CNBD1: variants seen among roughly 807,000 people sequenced by gnomAD.
CNBD1 encodes the protein cyclic nucleotide binding domain containing 1, also known as cyclic nucleotide-binding domain-containing protein 1.
Under a neutral mutation model 54.4 loss-of-function variants are expected in CNBD1, and 71 were observed. That is an observed-to-expected ratio of 1.30 (90% confidence interval 1.08 to 1.59). The LOEUF (loss-of-function observed/expected upper bound fraction) is 1.59, where lower values mean the gene tolerates loss of function less well. Ranked by LOEUF, CNBD1 falls within the 40% of genes most tolerant of loss-of-function variation. The pLI, the probability that CNBD1 is intolerant of heterozygous loss-of-function variation, is 0.00. For synonymous variants in CNBD1, 182 were observed against 170.7 expected, an observed-to-expected ratio of 1.07 and a Z score of -0.51; for missense variants, 659 against 518.0, an observed-to-expected ratio of 1.27 and a Z score of -2.64.
intron 10 of CNBD1, among the ~76,000 whole-genome samples, chr8:87,377,228 T>A (rs1302432406): frequency 6.6e-6 from 1 of 151,542 alleles, no homozygotes; most frequent in Non-Finnish European, 1.5e-5. Flanking sequence ...TGTATACATG[T>A]GCCATGCTGG....
At chr8:87,158,982 A>G (rs1812801332) in intron 4 of CNBD1, among the ~76,000 whole-genome samples, 1 of 152,178 alleles carries the variant, frequency 6.6e-6, no homozygotes, top group Non-Finnish European at 1.5e-5. Context: ...CTGTTTTTAT[A>G]CAATTTGAGG....
intron 4 of CNBD1, among the ~76,000 whole-genome samples, chr8:87,033,811 AC>A (rs1243200113): frequency 3.9e-5 from 6 of 152,134 alleles, no homozygotes; most frequent in Non-Finnish European, 7.4e-5. Context: ...TCTCCTGTTA[AC>A]TTGACGTTTT....
At chr8:87,275,896 T>C (rs939748804) in intron 6 of CNBD1, among the ~76,000 whole-genome samples, 2 of 151,992 alleles carry the variant, frequency 1.3e-5, no homozygotes, top group Non-Finnish European at 2.9e-5. Flanking sequence ...AAAATCAATG[T>C]ACAAAAATCA....
At chr8:86,878,971 CA>C (rs1808565101) in intron 1 of CNBD1, among the ~76,000 whole-genome samples, 1 of 151,858 alleles carries the variant, frequency 6.6e-6, no homozygotes, top group South Asian at 2.1e-4. Context: ...TTTTTAATGC[CA>C]AAAAAATGAC....
intron 4 of CNBD1, among the ~76,000 whole-genome samples, chr8:86,966,392 C>T (rs1003392577): frequency 5.9e-5 from 9 of 152,296 alleles, no homozygotes; most frequent in East Asian, 1.9e-4. Context: ...AGAATGAAGC[C>T]GTGGACCCTT....
intron 2 of CNBD1, among the ~76,000 whole-genome samples, chr8:87,402,503 G>C (rs1379489414): frequency 1.3e-5 from 2 of 152,036 alleles, no homozygotes; most frequent in Non-Finnish European, 2.9e-5. Context: ...TTTTTGAATA[G>C]GTTTTCTTTT....
At chr8:87,297,270 A>G (rs1029859320) in intron 8 of CNBD1, among the ~76,000 whole-genome samples, 2 of 151,952 alleles carry the variant, frequency 1.3e-5, no homozygotes, top group Admixed American at 1.3e-4. Context: ...CTAATTAGAC[A>G]CTTTATACCT....
intron 8 of CNBD1, among the ~76,000 whole-genome samples, chr8:87,349,159 A>G (rs1201862380): frequency 6.6e-6 from 1 of 152,144 alleles, no homozygotes; most frequent in African/African-American, 2.4e-5. Context: ...AATCCTGCAG[A>G]TCATCGTATG....
At chr8:87,002,588 C>CTT (rs757566782) in intron 4 of CNBD1, among the ~76,000 whole-genome samples, 6 of 143,314 alleles carry the variant, frequency 4.2e-5, no homozygotes, top group African/African-American at 1.5e-4. Context: ...ATGCTGAAAC[C>CTT]TTTTTTTTTT....
chr8:87,044,782 G>A (rs1023958809), intron 4 of CNBD1: 2 of 152,204 alleles, frequency 1.3e-5, no homozygotes, highest in Non-Finnish European at 2.9e-5. Flanking sequence ...CTGAAAAAGG[G>A]AGGAACATTT....
chr8:87,079,879 A>T lies in CNBD1; in HGVS notation c.432-126114A>T, dbSNP rs184274168. Reference sequence around the variant, plus strand: ...TATGCTTTGTGATATTTGTGTTGTAATTAAGAAATACTTGGCTAACAATAG... The same window carrying T: ...TATGCTTTGTGATATTTGTGTTGTATTTAAGAAATACTTGGCTAACAATAG... On this transcript the variant is annotated intron_variant, in intron 4 of 10. Coordinates refer to ENST00000518476, the MANE Select transcript of CNBD1 (RefSeq NM_173538.3). 2.4e-3 allele frequency among the ~76,000 whole-genome samples: 373 copies of T among 152,246 alleles called. 1 individual carries two copies. The highest frequency in any genetic ancestry group is 8.3e-3 in the African/African-American group (346 of 41,544).
At chr8:87,419,498 G>A (rs1244025826) in intron 2 of CNBD1, among the ~76,000 whole-genome samples, 1 of 151,716 alleles carries the variant, frequency 6.6e-6, no homozygotes, top group Non-Finnish European at 1.5e-5. Flanking sequence ...AGAAAATGTT[G>A]TTACATATTT....
intron 8 of CNBD1, among the ~76,000 whole-genome samples, chr8:87,287,225 C>T (rs962652026): frequency 1.3e-5 from 2 of 152,084 alleles, no homozygotes; most frequent in Non-Finnish European, 2.9e-5. Context: ...ATTATGTGTA[C>T]ACAAAAAGTG....
chr8:87,060,692 C>G (rs1448037291), intron 4 of CNBD1, among the ~76,000 whole-genome samples: 1 of 151,856 alleles, frequency 6.6e-6, no homozygotes, highest in Non-Finnish European at 1.5e-5. Context: ...GAGAAAAAGC[C>G]TACATGAATA....
chr8:86,888,278 G>A (rs1479696158), intron 2 of CNBD1, among the ~76,000 whole-genome samples: 5 of 151,936 alleles, frequency 3.3e-5, no homozygotes, highest in Admixed American at 6.6e-5. Flanking sequence ...TTTTTATACT[G>A]TTGTCTATTT....
chr8:86,917,523 C>T (rs1809206029), intron 3 of CNBD1, among the ~76,000 whole-genome samples: 1 of 152,050 alleles, frequency 6.6e-6, no homozygotes, highest in Non-Finnish European at 1.5e-5. Context: ...CTAGAATTTC[C>T]CATGAACACT....
intron 4 of CNBD1, among the ~76,000 whole-genome samples, chr8:86,979,079 A>T (rs954546145): frequency 1.8e-4 from 27 of 152,258 alleles, no homozygotes; most frequent in African/African-American, 6.5e-4. Flanking sequence ...ATTATGACTT[A>T]AAAAATTTAC....
At chr8:87,162,195 TAGA>T (rs901876122) in intron 4 of CNBD1, among the ~76,000 whole-genome samples, 4 of 152,216 alleles carry the variant, frequency 2.6e-5, no homozygotes, top group Admixed American at 2.6e-4. Context: ...AAATAGAGCA[TAGA>T]AGAATTTTTC....
At chr8:87,199,469 G>C (rs1262478401) in intron 4 of CNBD1, among the ~76,000 whole-genome samples, 1 of 152,072 alleles carries the variant, frequency 6.6e-6, no homozygotes, top group African/African-American at 2.4e-5. Flanking sequence ...CAAAATCTAT[G>C]CTATGTACAT....
Sources: gnomAD v4.1 joint callset for allele counts (sites outside exome capture counted in the v4.1 genomes callset) on GRCh38, gnomAD v4.1.1 for gene constraint, MANE v1.5 for transcripts, NCBI Gene and HGNC (gene_info 2026-07-23, HGNC 2026-07-21) for gene names.